CMSS1: variants seen among roughly 807,000 people sequenced by gnomAD.
CMSS1 encodes cms1 ribosomal small subunit homolog.
In CMSS1, 33 loss-of-function variants were observed where a neutral mutation model predicts 43.5. The observed-to-expected ratio is 0.76, with a 90% CI of 0.57 to 1.01. The LOEUF (loss-of-function observed/expected upper bound fraction) is 1.01. Ranked by LOEUF, CMSS1 falls within the 50% of genes least tolerant of loss-of-function variation. The pLI, the probability that CMSS1 is intolerant of heterozygous loss-of-function variation, is 0.00. For missense variants in CMSS1, 313 were observed against 326.4 expected (o/e 0.96, Z 0.32); for synonymous variants, 115 against 117.2 (o/e 0.98, Z 0.12).
intron 1 of CMSS1, among the ~76,000 whole-genome samples, chr3:99,950,980 G>T (rs751291720): frequency 1.3e-5 from 2 of 152,214 alleles, no homozygotes; most frequent in Non-Finnish European, 2.9e-5. Context: ...CTCAAAACTT[G>T]TTAAGAGGGA....
chr3:100,107,320 G>GA (rs760888125), intron 1 of CMSS1, among the ~76,000 whole-genome samples: 22 of 152,126 alleles, frequency 1.4e-4, no homozygotes, highest in African/African-American at 5.3e-4. Context: ...TGCCATCTGG[G>GA]AAAATGACAA....
rs374983656 is a variant in CMSS1, at chr3:100,146,928, TGA to T, written c.65-34_65-33del. On this transcript the variant is annotated intron_variant, in intron 1 of 9. Transcript: ENST00000421999. ...GATGGTACCAAGATTGCACTAGCAATGAGAGAGAGAGACTTTTCTGATTTTCA... is the reference window on the plus strand; with the variant it reads ...GATGGTACCAAGATTGCACTAGCAATGAGAGAGAGACTTTTCTGATTTTCA... 1,053 of 1,585,992 alleles carry T rather than the reference TGA, an allele frequency of 6.6e-4. 1 individual carries two copies. The highest frequency in any genetic ancestry group is 2.3e-3 in the Admixed American group (129 of 55,860).
At chr3:100,106,449 A>C (rs2066396683) in intron 1 of CMSS1, among the ~76,000 whole-genome samples, 1 of 152,154 alleles carries the variant, frequency 6.6e-6, no homozygotes, top group Non-Finnish European at 1.5e-5. Flanking sequence ...GAAGGACTCC[A>C]GCAGAAATGA....
chr3:100,046,999 G>T (rs2065288235), intron 1 of CMSS1, among the ~76,000 whole-genome samples: 1 of 152,170 alleles, frequency 6.6e-6, no homozygotes, highest in Non-Finnish European at 1.5e-5. Flanking sequence ...TATAATAATT[G>T]ACTATCAACA....
intron 1 of CMSS1, among the ~76,000 whole-genome samples, chr3:99,928,271 A>G (rs1241682951): frequency 1.3e-5 from 2 of 152,178 alleles, no homozygotes; most frequent in Admixed American, 1.3e-4. Flanking sequence ...TACTTCCTAG[A>G]CCGAGGAAAA....
chr3:100,034,771 G>C (rs1240538696), intron 1 of CMSS1, among the ~76,000 whole-genome samples: 1 of 152,182 alleles, frequency 6.6e-6, no homozygotes, highest in Non-Finnish European at 1.5e-5. Context: ...GGAAGGAGGG[G>C]CATGCTTTAA....
chr3:99,994,016 A>AT (rs1457074152), intron 1 of CMSS1, among the ~76,000 whole-genome samples: 1 of 152,078 alleles, frequency 6.6e-6, no homozygotes, highest in Non-Finnish European at 1.5e-5. Context: ...TTCCATCTTG[A>AT]TTTTTTGGAC....
At chr3:100,147,882 G>C (rs761208266) in intron 2 of CMSS1, among the ~76,000 whole-genome samples, 6 of 152,044 alleles carry the variant, frequency 3.9e-5, no homozygotes, top group Non-Finnish European at 8.8e-5. Context: ...CTAAACTTGT[G>C]ACCTTTTATT....
At chr3:100,145,957 C>T (rs912488379) in intron 1 of CMSS1, among the ~76,000 whole-genome samples, 1 of 152,244 alleles carries the variant, frequency 6.6e-6, no homozygotes, top group Admixed American at 6.5e-5. Flanking sequence ...GATTGACCAT[C>T]ACAGTATGCA....
intron 1 of CMSS1, among the ~76,000 whole-genome samples, chr3:100,084,257 A>G (rs946589967): frequency 3.3e-5 from 5 of 152,316 alleles, no homozygotes; most frequent in African/African-American, 1.2e-4. Context: ...GCTCATTTTA[A>G]AAGTCCCTTT....
chr3:100,146,655 G>C (rs187296656), intron 1 of CMSS1, among the ~76,000 whole-genome samples: 1 of 152,262 alleles, frequency 6.6e-6, no homozygotes, highest in East Asian at 1.9e-4. Context: ...TCATAAGACA[G>C]CCTTTTGTCA....
At chr3:100,014,313 A>G (rs539654159) in intron 1 of CMSS1, among the ~76,000 whole-genome samples, 1 of 152,208 alleles carries the variant, frequency 6.6e-6, no homozygotes, top group East Asian at 1.9e-4. Context: ...GAGAATGTAG[A>G]TATCTTTTCA....
intron 1 of CMSS1, among the ~76,000 whole-genome samples, chr3:100,093,328 C>A (rs1482309521): frequency 6.6e-6 from 1 of 151,816 alleles, no homozygotes; most frequent in Non-Finnish European, 1.5e-5. Flanking sequence ...GTCAGATAAT[C>A]CAGAAGGAGA....
intron 1 of CMSS1, among the ~76,000 whole-genome samples, chr3:99,818,361 T>A (rs181312277): frequency 1.7e-4 from 26 of 152,332 alleles, no homozygotes; most frequent in Non-Finnish European, 3.7e-4. Flanking sequence ...GGGTGACCCA[T>A]GAACTGCTTT....
intron 1 of CMSS1, among the ~76,000 whole-genome samples, chr3:100,064,225 G>A (rs2065622877): frequency 6.6e-6 from 1 of 152,180 alleles, no homozygotes; most frequent in South Asian, 2.1e-4. Context: ...GGTGGATTGG[G>A]AAAGAGGAGG....
chr3:99,914,028 A>G (rs1318066033), intron 1 of CMSS1, among the ~76,000 whole-genome samples: 1 of 152,238 alleles, frequency 6.6e-6, no homozygotes, highest in Admixed American at 6.5e-5. Flanking sequence ...GGAAACTGAT[A>G]AAGAATTCTC....
At chr3:99,901,524 G>A (rs1706435535) in intron 1 of CMSS1, among the ~76,000 whole-genome samples, 1 of 152,166 alleles carries the variant, frequency 6.6e-6, no homozygotes. Context: ...ACTTTTGCTT[G>A]GCTATTAGCC....
intron 1 of CMSS1, among the ~76,000 whole-genome samples, chr3:100,057,197 C>A (rs1291270853): frequency 1.3e-5 from 2 of 152,164 alleles, no homozygotes; most frequent in Non-Finnish European, 2.9e-5. Flanking sequence ...CTCTGCCCCT[C>A]CAGTGGACTA....
At chr3:99,986,221 G>A (rs750388848) in intron 1 of CMSS1, among the ~76,000 whole-genome samples, 4 of 152,186 alleles carry the variant, frequency 2.6e-5, no homozygotes, top group Non-Finnish European at 5.9e-5. Context: ...TCAATAGAAT[G>A]GTTGGTAGAT....
Sources: allele counts gnomAD v4.1 joint callset (sites outside exome capture counted in the v4.1 genomes callset), GRCh38; gene constraint gnomAD v4.1.1; transcripts MANE v1.5; gene names NCBI Gene and HGNC (gene_info 2026-07-23, HGNC 2026-07-21).